Variants in THRB observed in about 807,000 individuals in gnomAD.
THRB encodes the protein thyroid hormone receptor beta.
In THRB, 12 loss-of-function variants were observed where a neutral mutation model predicts 47.8. The ratio of observed to expected loss-of-function variants is 0.25; its 90% CI spans 0.16 to 0.41. The LOEUF is 0.41. THRB is among the 10% of genes least tolerant of loss of function. The pLI, the probability that THRB is intolerant of heterozygous loss-of-function variation, is 1.00. For synonymous variants in THRB, 218 were observed against 212.2 expected, an observed-to-expected ratio of 1.03 and a Z score of -0.24; for missense variants, 348 against 589.2, an observed-to-expected ratio of 0.59 and a Z score of 4.24.
chr3:24,481,405 T>C (rs1163640117), intron 1 of THRB, among the ~76,000 whole-genome samples: 1 of 152,000 alleles, frequency 6.6e-6, no homozygotes, highest in Non-Finnish European at 1.5e-5. Flanking sequence ...CCTAATTATA[T>C]GAAAAGAGCT....
Position 24,122,744 on chromosome 3 carries a change from T to C in THRB, c.*140A>G, listed in dbSNP as rs2148779104. 2 of 1,215,542 alleles carry C rather than the reference T, an allele frequency of 1.6e-6. No individual in the cohort carries two copies. Among genetic ancestry groups the C allele is most frequent in the Non-Finnish European group, 2.4e-6 (2 of 836,594 alleles). The allele number at this position is 1,215,542 out of a possible 1,614,324, so 75.3% of individuals were successfully genotyped here. ...CGCATTCAAGGGGCAATTTCATCCATGTCTATGCCAAGGACTACTTCCCTT... is the reference window on the plus strand; with the variant it reads ...CGCATTCAAGGGGCAATTTCATCCACGTCTATGCCAAGGACTACTTCCCTT... On this transcript the variant is annotated 3_prime_UTR_variant, in exon 11 of 11. Coordinates refer to ENST00000646209, the MANE Select transcript of THRB (RefSeq NM_001354712.2).
chr3:24,446,570 AAAAAAAG>A (rs1310748545), intron 1 of THRB, among the ~76,000 whole-genome samples: 2 of 94,992 alleles, frequency 2.1e-5, no homozygotes. Flanking sequence ...CAAAAAAAAA[AAAAAAAG>A]AAAGAAAGAA....
intron 4 of THRB, among the ~76,000 whole-genome samples, chr3:24,211,736 C>A (rs1200552838): frequency 6.6e-6 from 1 of 152,168 alleles, no homozygotes; most frequent in Non-Finnish European, 1.5e-5. Flanking sequence ...CTAAGCCACA[C>A]TGGAGTGACT....
chr3:24,437,033 C>T (rs531836745), intron 1 of THRB, among the ~76,000 whole-genome samples: 1 of 151,388 alleles, frequency 6.6e-6, no homozygotes, highest in African/African-American at 2.4e-5. Flanking sequence ...ATGGACCTGG[C>T]ACTTTTCTCC....
chr3:24,350,093 C>A (rs2063274666), intron 1 of THRB, among the ~76,000 whole-genome samples: 1 of 151,978 alleles, frequency 6.6e-6, no homozygotes, highest in African/African-American at 2.4e-5. Context: ...AGAAGATACT[C>A]AAATGCAAAC....
At chr3:24,340,206 A>G (rs1576969236) in intron 1 of THRB, among the ~76,000 whole-genome samples, 1 of 152,352 alleles carries the variant, frequency 6.6e-6, no homozygotes, top group East Asian at 1.9e-4. Flanking sequence ...ATGAAATTGC[A>G]CAGAACAAAC....
intron 1 of THRB, among the ~76,000 whole-genome samples, chr3:24,484,260 A>C (rs58016799): frequency 0.049 from 7,436 of 152,232 alleles, 413 homozygotes; most frequent in African/African-American, 0.14. Flanking sequence ...AAAATGTCTC[A>C]ATCACTTGAA....
At chr3:24,259,108 A>G (rs960104350) in intron 3 of THRB, among the ~76,000 whole-genome samples, 7 of 152,150 alleles carry the variant, frequency 4.6e-5, no homozygotes, top group African/African-American at 1.7e-4. Flanking sequence ...ACTCTTCCAT[A>G]AAGATTTATC....
chr3:24,289,813 A>G (rs1235910692), intron 3 of THRB, among the ~76,000 whole-genome samples: 1 of 152,186 alleles, frequency 6.6e-6, no homozygotes, highest in Non-Finnish European at 1.5e-5. Flanking sequence ...TACTGACATG[A>G]CTAAAAATTC....
intron 1 of THRB, among the ~76,000 whole-genome samples, chr3:24,381,113 C>CAAA (rs35253085): frequency 0.038 from 3,311 of 87,538 alleles, 68 homozygotes; most frequent in Middle Eastern, 0.088. Flanking sequence ...GACTCTGCCT[C>CAAA]AAAAAAAAAA....
intron 1 of THRB, among the ~76,000 whole-genome samples, chr3:24,391,053 C>A (rs2066531278): frequency 6.6e-6 from 1 of 152,048 alleles, no homozygotes. Context: ...GTGCACTGTG[C>A]AGTCTGGCAG....
At chr3:24,312,829 T>G (rs1360276773) in intron 2 of THRB, among the ~76,000 whole-genome samples, 10 of 152,220 alleles carry the variant, frequency 6.6e-5, no homozygotes, top group Admixed American at 6.5e-4. Flanking sequence ...TTAAAGAGTT[T>G]AAATCACAGT....
At chr3:24,470,362 G>C (rs2074470152) in intron 1 of THRB, among the ~76,000 whole-genome samples, 1 of 152,212 alleles carries the variant, frequency 6.6e-6, no homozygotes, top group Admixed American at 6.5e-5. Flanking sequence ...GTATGATGGA[G>C]TATTTAAGAA....
chr3:24,124,805 C>G (rs1050340904), intron 10 of THRB, among the ~76,000 whole-genome samples: 1 of 152,180 alleles, frequency 6.6e-6, no homozygotes, highest in African/African-American at 2.4e-5. Flanking sequence ...ACATCAGGCC[C>G]CATGATAGAA....
chr3:24,258,882 C>A (rs1445649192), intron 3 of THRB, among the ~76,000 whole-genome samples: 1 of 152,198 alleles, frequency 6.6e-6, no homozygotes, highest in Non-Finnish European at 1.5e-5. Context: ...GGCCCCAGCT[C>A]TTAACCTCTC....
intron 1 of THRB, among the ~76,000 whole-genome samples, chr3:24,387,332 T>C (rs1043449914): frequency 2.0e-5 from 3 of 152,160 alleles, no homozygotes; most frequent in Non-Finnish European, 2.9e-5. Flanking sequence ...CCCATTTATG[T>C]ACACCAATAT....
At chr3:24,461,822 G>A (rs1001482908) in intron 1 of THRB, among the ~76,000 whole-genome samples, 2 of 152,116 alleles carry the variant, frequency 1.3e-5, no homozygotes, top group African/African-American at 2.4e-5. Context: ...ACATCTTAGC[G>A]TTAAAAATCT....
intron 3 of THRB, among the ~76,000 whole-genome samples, chr3:24,275,184 GGATA>G (rs1576467739): frequency 6.6e-6 from 1 of 151,946 alleles, no homozygotes; most frequent in African/African-American, 2.4e-5. Context: ...ATTCACACAA[GGATA>G]AATAAAATGT....
intron 5 of THRB, among the ~76,000 whole-genome samples, chr3:24,154,355 C>T (rs921037193): frequency 2.0e-5 from 3 of 152,222 alleles, no homozygotes; most frequent in Admixed American, 6.5e-5. Flanking sequence ...TATTTAGCAT[C>T]TACATGTGCT....
Sources: allele counts gnomAD v4.1 joint callset (sites outside exome capture counted in the v4.1 genomes callset), GRCh38; gene constraint gnomAD v4.1.1; transcripts MANE v1.5; gene names NCBI Gene and HGNC (gene_info 2026-07-23, HGNC 2026-07-21).